Variants in ITGB4 observed in about 807,000 individuals in gnomAD.
ITGB4 encodes the protein integrin beta-4.
In ITGB4, 159 loss-of-function variants were observed where a neutral mutation model predicts 207.6. That is an observed-to-expected ratio of 0.77 (90% CI 0.67 to 0.87). ITGB4 has a LOEUF of 0.87. ITGB4 is among the 40% of genes least tolerant of loss of function. The pLI is 0.00. For missense variants in ITGB4, 2,278 were observed against 2,546.8 expected (o/e 0.89, Z 2.27); for synonymous variants, 1,020 against 1,062.7 (o/e 0.96, Z 0.78).
At chr17:75,738,683 G>T (rs1303623765) in intron 18 of ITGB4, among the ~76,000 whole-genome samples, 2 of 152,246 alleles carry the variant, frequency 1.3e-5, no homozygotes, top group Non-Finnish European at 2.9e-5. Context: ...GGCGGTCACT[G>T]GGGAGAACAG....
Position 75,756,995 on chromosome 17 carries a change from C to T in ITGB4, c.5106C>T (p.Thr1702=), listed in dbSNP as rs754832163. The T allele has an allele frequency of 6.0e-5, 97 of 1,612,722 alleles. No individual in the cohort carries two copies. The highest frequency in any genetic ancestry group is 7.1e-5 in the Non-Finnish European group (84 of 1,179,968). ...GAGACAGCCCCGAGAGCCGGCTGAC[C>T]GTGCCGGGCCTCAGCGAGAACGTGC... ...VDGDSPESRL[T]VPGLSENVPY... is the part of the protein sequence containing the mutation. The change falls in exon 38 of 40, where the codon ACC becomes ACT. Residue 1702 remains threonine (T), a synonymous_variant. Transcript: ENST00000200181.
chr17:75,739,832 C>T lies in ITGB4; in HGVS notation c.2255-48C>T, dbSNP rs753153439. Reference sequence around the variant, plus strand: ...TGGGGTCCCACCTGAAGAGGTTGGGCTGTGCGGGTCTAGGGAGGGGTGCCG... The same window carrying T: ...TGGGGTCCCACCTGAAGAGGTTGGGTTGTGCGGGTCTAGGGAGGGGTGCCG... On this transcript the variant is annotated intron_variant, in intron 19 of 39. Coordinates refer to ENST00000200181, the MANE Select transcript of ITGB4 (RefSeq NM_000213.5). The surrounding 1 kb of genome is among the most constrained non-coding windows in gnomAD (Gnocchi z 5.4). 1.9e-6 allele frequency: 3 copies of T among 1,610,630 alleles called. No homozygotes were observed. Among genetic ancestry groups the T allele is most frequent in the Non-Finnish European group, 1.7e-6 (2 of 1,177,296 alleles).
chr17:75,736,582 CGAG>C lies in ITGB4; in HGVS notation c.1881_1883del (p.Glu627del). 1 of 1,600,836 alleles carries C rather than the reference CGAG, an allele frequency of 6.2e-7. No homozygotes were observed. The highest frequency in any genetic ancestry group is 8.5e-7 in the Non-Finnish European group (1 of 1,174,246). ...CCGCCAAGATCCACCCGGGCCTCTGCGAGGACCTACGCTCCTGCGTGCAGTGCC... is the reference window on the plus strand; with the variant it reads ...CCGCCAAGATCCACCCGGGCCTCTGCGACCTACGCTCCTGCGTGCAGTGCC... On this transcript the variant is annotated inframe_deletion, in exon 16 of 40. Transcript: ENST00000200181.
chr17:75,735,725 C>A (rs559156005), intron 13 of ITGB4, among the ~76,000 whole-genome samples: 22 of 152,306 alleles, frequency 1.4e-4, no homozygotes, highest in African/African-American at 5.1e-4. Context: ...TTCTTACCTT[C>A]TAATGCTTAT....
rs375975797 is a variant in ITGB4 at position 75,757,295 on chromosome 17, G to A, written c.5314G>A (p.Glu1772Lys). ...CACCACCACCCACACCAGCGCCACC[G>A]AGCCCTTCCTAGTGGGTGAGCACTG... ...SITTTHTSAT[E>K]PFLVDGLTLG... Residue 1772 changes from glutamate to lysine, a missense_variant, in exon 39 of 40, where the codon GAG becomes AAG. Coordinates refer to ENST00000200181, the MANE Select transcript of ITGB4 (RefSeq NM_000213.5). 116 of 1,612,046 alleles carry A rather than the reference G, an allele frequency of 7.2e-5. No homozygotes were observed. Among genetic ancestry groups the A allele is most frequent in the Admixed American group, 2.7e-4 (16 of 60,006 alleles).
Position 75,754,589 on chromosome 17 carries a change from T to C in ITGB4, c.4332T>C (p.Asn1444=), listed in dbSNP as rs752694774. 2 of 1,613,728 alleles carry C rather than the reference T, an allele frequency of 1.2e-6. No homozygotes were observed. The highest frequency in any genetic ancestry group is 1.7e-6 in the Non-Finnish European group (2 of 1,179,972). Residue 1444 remains asparagine, a synonymous_variant, in exon 34 of 40, where the codon AAT becomes AAC. Transcript: ENST00000200181. ...TPGPPGEHLV[N]GRMDFAFPGS... The stretch of plus-strand genomic sequence containing the variant: ...CTCCCCCTGCAGAGCACCTGGTGAA[T>C]GGCCGGATGGACTTTGCCTTCCCGG...
At position 75,739,760 on chromosome 17, in the gene ITGB4, C is replaced by T. The variant is rs537560822; in HGVS notation, c.2254+55C>T. On this transcript the variant is annotated intron_variant, in intron 19 of 39. Coordinates refer to ENST00000200181, the MANE Select transcript of ITGB4 (RefSeq NM_000213.5). This position sits in a 1 kb window ranked among gnomAD's most constrained non-coding sequence, Gnocchi z 5.4. ...GGGCTCTGACTGCTCTTTCTCTGAG[C>T]TGGGGTGGAGGGAAGCTGAACCTGG... 1.1e-4 allele frequency: 184 copies of T among 1,612,494 alleles called. 2 individuals carry two copies. The East Asian group carries it at 3.6e-3, about 31-fold the overall frequency.
chr17:75,742,255 T>G lies in ITGB4; in HGVS notation c.2634-86T>G, dbSNP rs1012902319. Reference sequence around the variant, plus strand: ...TCTTGCTGTCTTACATCCTGGCCCCTGAAGGGGAGAAGACAGGCAGGAGGG... The same window carrying G: ...TCTTGCTGTCTTACATCCTGGCCCCGGAAGGGGAGAAGACAGGCAGGAGGG... On this transcript the variant is annotated intron_variant, in intron 23 of 39. Coordinates refer to ENST00000200181, the MANE Select transcript of ITGB4 (RefSeq NM_000213.5). The surrounding 1 kb of genome is among the most constrained non-coding windows in gnomAD (Gnocchi z 5.9). 18 of 1,560,294 alleles carry G rather than the reference T, an allele frequency of 1.2e-5. No individual in the cohort carries two copies. The Admixed American group carries it at 1.4e-4, about 12-fold the overall frequency.
chr17:75,744,434 C>T (rs2061190746), intron 26 of ITGB4, among the ~76,000 whole-genome samples: 1 of 151,520 alleles, frequency 6.6e-6, no homozygotes, highest in South Asian at 2.1e-4. Context: ...AGGGCTCTTT[C>T]TTCCTTCATG....
At chr17:75,743,468 G>A (rs1380647144) in intron 25 of ITGB4, among the ~76,000 whole-genome samples, 1 of 152,018 alleles carries the variant, frequency 6.6e-6, no homozygotes, top group Non-Finnish European at 1.5e-5. Flanking sequence ...CCTGACCTCA[G>A]GTGATCCACC....
rs1568348120 is a variant in ITGB4, at chr17:75,730,516, AG to A, written c.1002+14del. The A allele has an allele frequency of 6.2e-7, 1 of 1,613,268 alleles. No homozygotes were observed. The highest frequency in any genetic ancestry group is 1.3e-5 in the African/African-American group (1 of 74,846). ...ATAGCTACTACGAGGTGCGGGGCCC[AG>A]GTCCCACGGGTGGGAGGTGGTCAAG... On this transcript the variant is annotated intron_variant, in intron 8 of 39. Coordinates refer to ENST00000200181, the MANE Select transcript of ITGB4 (RefSeq NM_000213.5).
Position 75,748,819 on chromosome 17 carries a change from C to T in ITGB4, c.3112-22C>T, listed in dbSNP as rs774808475. ...CCTCAGCCCCCAGCCATGACCCTGA[C>T]CCTGACCCCCTCCACTCCCAGGACT... On this transcript the variant is annotated intron_variant, in intron 26 of 39. Transcript: ENST00000200181. 6 of 1,582,080 alleles carry T rather than the reference C, an allele frequency of 3.8e-6. No individual in the cohort carries two copies. The South Asian group carries it at 6.9e-5, about 18-fold the overall frequency.
At chr17:75,724,524 C>A (rs545582988) in intron 1 of ITGB4, among the ~76,000 whole-genome samples, 170 bp from the exon 2 acceptor site, 6 of 152,272 alleles carry the variant, frequency 3.9e-5, no homozygotes, top group African/African-American at 1.4e-4. Flanking sequence ...AACAGGGCAG[C>A]GGAAAAGGCA....
In ITGB4 at chr17:75,750,071, G is replaced by T. The variant is rs1350219755; in HGVS notation, c.3317-40G>T. On this transcript the variant is annotated intron_variant, in intron 27 of 39. Transcript: ENST00000200181. This position sits in a 1 kb window ranked among gnomAD's most constrained non-coding sequence, Gnocchi z 5.5. ...CTCTGGCGCCCCCTGGTGGTGAAGG[G>T]GGATCTGAGTGGTTGCCCGGCCCCA... 2.5e-6 allele frequency: 4 copies of T among 1,613,074 alleles called. No homozygotes were observed. The East Asian group carries it at 8.9e-5, about 36-fold the overall frequency.
rs121912463 is a variant in ITGB4 at position 75,736,077 on chromosome 17, T to C, written c.1684T>C (p.Cys562Arg). 1.9e-6 allele frequency: 3 copies of C among 1,613,274 alleles called. No homozygotes were observed. Among genetic ancestry groups the C allele is most frequent in the Middle Eastern group, 1.6e-4 (1 of 6,062 alleles). ...CCGAGGACGCTGCTCCATGGGCCAGTGTGTGTGTGAGCCTGGTTGGACAGG... is the reference window on the plus strand; with the variant it reads ...CCGAGGACGCTGCTCCATGGGCCAGCGTGTGTGTGAGCCTGGTTGGACAGG... ...NDRGRCSMGQ[C>R]VCEPGWTGPS... The change falls in exon 14 of 40, where the codon TGT becomes CGT. Residue 562 changes from cysteine to arginine, a missense_variant. Transcript: ENST00000200181.
chr17:75,750,223 C>G lies in ITGB4; in HGVS notation c.3429C>G (p.Ile1143Met), dbSNP rs1462546389. Residue 1143 changes from isoleucine to methionine, a missense_variant, in exon 28 of 40, where the codon ATC becomes ATG. Physicochemically the swap from Ile to Met is conservative, Grantham distance 10. Coordinates refer to ENST00000200181, the MANE Select transcript of ITGB4 (RefSeq NM_000213.5). This position sits in a 1 kb window ranked among gnomAD's most constrained non-coding sequence, Gnocchi z 5.5. ...PNAKAAGSRK[I>M]HFNWLPPSGK... ...CTAAGGCCGCTGGGTCCAGGAAGAT[C>G]CATTTCAACTGGCTGCCCCCTTCTG... 2 of 1,613,780 alleles carry G rather than the reference C, an allele frequency of 1.2e-6. No homozygotes were observed. Among genetic ancestry groups the G allele is most frequent in the Non-Finnish European group, 1.7e-6 (2 of 1,179,998 alleles).
chr17:75,730,451 C>T lies in ITGB4; in HGVS notation c.949C>T (p.His317Tyr). 6.2e-7 allele frequency: 1 copy of T among 1,614,124 alleles called. No individual in the cohort carries two copies. Among genetic ancestry groups the T allele is most frequent in the East Asian group, 2.2e-5 (1 of 44,894 alleles). ...VPTLVRLLAK[H>Y]NIIPIFAVTN... ...CACCCTGGTGCGCCTGCTCGCCAAG[C>T]ACAACATCATCCCCATCTTTGCTGT... Residue 317 changes from histidine to tyrosine, a missense_variant, in exon 8 of 40, where the codon CAC (histidine) becomes TAC (tyrosine). Coordinates refer to ENST00000200181, the MANE Select transcript of ITGB4 (RefSeq NM_000213.5).
chr17:75,736,187 C>T (rs1300108943), intron 14 of ITGB4, 33 bp downstream of exon 14: 1 of 1,607,676 alleles, frequency 6.2e-7, no homozygotes, highest in South Asian at 1.1e-5. Flanking sequence ...CAGTGTCTGT[C>T]AGCACCACCC....
At position 75,737,525 on chromosome 17, in the gene ITGB4, T is replaced by G; in HGVS notation, c.2114-13T>G. The G allele has an allele frequency of 6.4e-7, 1 of 1,563,024 alleles. No homozygotes were observed. Among genetic ancestry groups the G allele is most frequent in the Non-Finnish European group, 8.7e-7 (1 of 1,154,232 alleles). On this transcript the variant is annotated splice_polypyrimidine_tract_variant and intron_variant, in intron 17 of 39. Coordinates refer to ENST00000200181, the MANE Select transcript of ITGB4 (RefSeq NM_000213.5). ...AGGACAGGCACCACCTCCCCCTGCC[T>G]CCTCCTCTCCAGACTGCCCTCCGGG...
Sources: gnomAD v4.1 joint callset for allele counts (sites outside exome capture counted in the v4.1 genomes callset) on GRCh38, gnomAD v4.1.1 for gene constraint, Gnocchi (gnomAD v3.1) non-coding constraint, MANE v1.5 for transcripts, NCBI Gene and HGNC (gene_info 2026-07-23, HGNC 2026-07-21) for gene names.